BABAM2: variants seen among roughly 807,000 people sequenced by gnomAD.
The protein encoded by BABAM2 is BRISC and BRCA1 A complex member 2.
Under a neutral mutation model 54.7 loss-of-function variants are expected in BABAM2, and 31 were observed. That is an observed-to-expected ratio of 0.57 (90% CI 0.43 to 0.77). BABAM2 has a LOEUF of 0.77. BABAM2 is among the 30% of genes least tolerant of loss of function. BABAM2 has a pLI of 0.00. For synonymous variants in BABAM2, 167 were observed against 162.9 expected (o/e 1.03, Z -0.19); for missense variants, 364 against 455.8 (o/e 0.80, Z 1.83).
upstream of BABAM2, among the ~76,000 whole-genome samples, chr2:27,888,915 T>A (rs1202738519): frequency 1.3e-5 from 2 of 152,214 alleles, no homozygotes; most frequent in African/African-American, 4.8e-5. Context: ...TCAACAAATG[T>A]CTCCAACTAG....
chr2:28,099,266 G>A (rs912813618), intron 6 of BABAM2, among the ~76,000 whole-genome samples: 1 of 152,044 alleles, frequency 6.6e-6, no homozygotes, highest in African/African-American at 2.4e-5. Flanking sequence ...TTGAGCCATG[G>A]CTGTGCAATT....
intron 3 of BABAM2, among the ~76,000 whole-genome samples, chr2:27,943,990 G>A (rs1669110696): frequency 6.6e-6 from 1 of 151,904 alleles, no homozygotes; most frequent in Non-Finnish European, 1.5e-5. Flanking sequence ...AAATATATTA[G>A]GAATAGCAAC....
chr2:28,025,442 A>G, intron 5 of BABAM2, 22 bp downstream of exon 5: 6 of 1,542,070 alleles, frequency 3.9e-6, no homozygotes, highest in Non-Finnish European at 5.2e-6. Context: ...TGAGAATGGA[A>G]AAAAAGATGA....
chr2:28,184,900 A>G (rs1676117436), intron 7 of BABAM2, among the ~76,000 whole-genome samples: 1 of 152,194 alleles, frequency 6.6e-6, no homozygotes, highest in Non-Finnish European at 1.5e-5. Context: ...ACTTCATGAG[A>G]TGGCTTTAAT....
At chr2:28,331,296 C>G (rs1690939590) in intron 11 of BABAM2, among the ~76,000 whole-genome samples, 1 of 152,048 alleles carries the variant, frequency 6.6e-6, no homozygotes, top group African/African-American at 2.4e-5. Context: ...AAAAGAATTG[C>G]AACAAAAGCA....
intron 3 of BABAM2, among the ~76,000 whole-genome samples, chr2:27,939,363 TTG>T (rs1410857759): frequency 5.3e-5 from 8 of 152,352 alleles, no homozygotes; most frequent in African/African-American, 1.7e-4. Context: ...ATGGAGACTG[TTG>T]TGTTTATTAA....
At position 28,237,275 on chromosome 2, in the gene BABAM2, C is replaced by T; in HGVS notation, c.754C>T (p.Gln252Ter). 1.9e-6 allele frequency: 3 copies of T among 1,613,792 alleles called. No individual in the cohort carries two copies. Among genetic ancestry groups the T allele is most frequent in the Non-Finnish European group, 2.5e-6 (3 of 1,179,792 alleles). Reference protein sequence around the residue: ...GGGCLIDYVPQVCHLLTNKVQ... With the variant: ...GGGCLIDYVP ...AGGATGTCTCATTGATTACGTTCCT[C>T]AAGTATGCCACCTGCTCACCAACAA... is the stretch of plus-strand genomic sequence containing the variant. Residue 252 changes from glutamine to a stop codon, truncating the protein, a stop_gained, in exon 8 of 12, where the codon CAA becomes TAA. Transcript: ENST00000379624. LOFTEE classifies it high-confidence loss of function.
chr2:28,305,222 G>T (rs547927965), intron 11 of BABAM2, among the ~76,000 whole-genome samples: 20 of 152,054 alleles, frequency 1.3e-4, no homozygotes, highest in Admixed American at 8.5e-4. Flanking sequence ...TTGCTAAGAG[G>T]TTTTCTTTTT....
At chr2:27,952,161 C>T (rs969180614) in intron 3 of BABAM2, among the ~76,000 whole-genome samples, 5 of 152,186 alleles carry the variant, frequency 3.3e-5, no homozygotes, top group African/African-American at 1.2e-4. Flanking sequence ...TTACACGGTA[C>T]ATCTTTTCCA....
intron 10 of BABAM2, among the ~76,000 whole-genome samples, chr2:28,264,352 A>C (rs1348102027): frequency 6.6e-6 from 1 of 152,118 alleles, no homozygotes; most frequent in Non-Finnish European, 1.5e-5. Context: ...TTGAAAAAAG[A>C]AAAAAAACTC....
chr2:28,231,835 T>G (rs1302143033), intron 7 of BABAM2, among the ~76,000 whole-genome samples: 1 of 115,096 alleles, frequency 8.7e-6, no homozygotes, highest in African/African-American at 3.3e-5. Context: ...AGAGACAGAG[T>G]CCCAATCAGT....
chr2:27,999,575 CT>C (rs1411745469), intron 4 of BABAM2, among the ~76,000 whole-genome samples: 1 of 152,210 alleles, frequency 6.6e-6, no homozygotes, highest in African/African-American at 2.4e-5. Context: ...TTTTAAAAAA[CT>C]TCCACAGCCT....
intron 3 of BABAM2, among the ~76,000 whole-genome samples, chr2:27,949,533 CAAAAA>C (rs1042311055): frequency 1.4e-5 from 1 of 73,778 alleles, no homozygotes; most frequent in African/African-American, 5.1e-5. Flanking sequence ...GATTCCGTCT[CAAAAA>C]AAAAAAAAAA....
At chr2:27,984,943 T>G (rs528953634) in intron 3 of BABAM2, among the ~76,000 whole-genome samples, 4 of 152,206 alleles carry the variant, frequency 2.6e-5, no homozygotes, top group Admixed American at 2.6e-4. Flanking sequence ...GAGCATACAA[T>G]GTTTGGTTTT....
intron 10 of BABAM2, among the ~76,000 whole-genome samples, chr2:28,260,058 G>A (rs776096502): frequency 6.6e-6 from 1 of 151,868 alleles, no homozygotes; most frequent in Non-Finnish European, 1.5e-5. Flanking sequence ...ATGCCACCAT[G>A]CCTGGCTAAT....
chr2:27,972,920 C>T (rs1671327259), intron 3 of BABAM2, among the ~76,000 whole-genome samples: 1 of 151,708 alleles, frequency 6.6e-6, no homozygotes, highest in Non-Finnish European at 1.5e-5. Context: ...GCGCGCACCC[C>T]CACACCTGGA....
chr2:27,909,190 A>G (rs957104130), intron 2 of BABAM2, among the ~76,000 whole-genome samples: 1 of 151,556 alleles, frequency 6.6e-6, no homozygotes, highest in Admixed American at 6.6e-5. Flanking sequence ...GACCACAGGC[A>G]TGTGCCACCA....
intron 7 of BABAM2, among the ~76,000 whole-genome samples, chr2:28,162,457 A>C (rs1673194776): frequency 6.6e-6 from 1 of 152,182 alleles, no homozygotes; most frequent in Admixed American, 6.5e-5. Flanking sequence ...TATCCACTTC[A>C]CAGTTTTGAG....
chr2:28,200,814 G>A (rs1678185786), intron 7 of BABAM2, among the ~76,000 whole-genome samples: 1 of 152,106 alleles, frequency 6.6e-6, no homozygotes, highest in African/African-American at 2.4e-5. Flanking sequence ...TGTCGCCCAG[G>A]TTGGAGTGCA....
Sources: gnomAD v4.1 joint callset for allele counts (sites outside exome capture counted in the v4.1 genomes callset) on GRCh38, gnomAD v4.1.1 for gene constraint, MANE v1.5 for transcripts, NCBI Gene and HGNC (gene_info 2026-07-23, HGNC 2026-07-21) for gene names.